The following DPH2 variants were observed in gnomAD, a reference collection of about 807,000 sequenced individuals.
The protein encoded by DPH2 is diphthamide biosynthesis 2, also known as 2-(3-amino-3-carboxypropyl)histidine synthase subunit 2.
DPH2 carries 28 observed loss-of-function variants against 42.5 expected under a neutral mutation model. That is an observed-to-expected ratio of 0.66 (90% CI 0.49 to 0.90). The LOEUF (loss-of-function observed/expected upper bound fraction) is 0.90. Ranked by LOEUF, DPH2 falls within the 40% of genes least tolerant of loss-of-function variation. The pLI is 0.00. For missense variants in DPH2, 576 were observed against 636.0 expected (o/e 0.91, Z 1.01); for synonymous variants, 279 against 264.4 (o/e 1.06, Z -0.53).
chr1:43,972,906 T>A lies in DPH2; in HGVS notation c.*367T>A, dbSNP rs2085465886. 5.5e-6 allele frequency: 1 copy of A among 182,102 alleles called. No homozygotes were observed. Among genetic ancestry groups the A allele is most frequent in the African/African-American group, 2.4e-5 (1 of 42,256 alleles). 11.3% of individuals were successfully genotyped at this position (182,102 alleles called of 1,614,324 possible). A position where few individuals can be genotyped will look rare whatever the true frequency, so the allele number is the denominator to read the frequency against. The stretch of plus-strand genomic sequence containing the variant: ...AGGTGCTAGACAGTCTAGACCAGGG[T>A]TTCTCAAACTCGTACTTGACATTTG... On this transcript the variant is annotated 3_prime_UTR_variant, in exon 6 of 6. Coordinates refer to ENST00000255108, the MANE Select transcript of DPH2 (RefSeq NM_001384.5).
Position 43,971,805 on chromosome 1 carries a change from C to T in DPH2, c.903C>T (p.Ala301=). 1 of 1,611,906 alleles carries T rather than the reference C, an allele frequency of 6.2e-7. No individual in the cohort carries two copies. Among genetic ancestry groups the T allele is most frequent in the Non-Finnish European group, 8.5e-7 (1 of 1,180,028 alleles). Residue 301 remains alanine (A), a synonymous_variant, in exon 4 of 6, where the codon GCC becomes GCT. Coordinates refer to ENST00000255108, the MANE Select transcript of DPH2 (RefSeq NM_001384.5). ...TAGCCCAACACCGTGAGGCACTGGCCCACTTGCGGAACCTGACTCAGGCTG... is the reference window on the plus strand; with the variant it reads ...TAGCCCAACACCGTGAGGCACTGGCTCACTTGCGGAACCTGACTCAGGCTG... ...LGVAQHREAL[A]HLRNLTQAAG...
Position 43,971,593 on chromosome 1 carries a change from G to A in DPH2, c.691G>A (p.Asp231Asn). The change falls in exon 4 of 6, where the codon GAC (aspartate) becomes AAC (asparagine). Residue 231 changes from aspartate (D) to asparagine (N), a missense_variant. Physicochemically the swap from Asp to Asn is conservative, Grantham distance 23 (BLOSUM62 1). This residue lies in a region of DPH2 where 395 missense variants were observed against 435.2 expected (regional missense o/e 0.91). Transcript: ENST00000255108. ...GSKASPDPDLDPDLSRLLLGW... is the reference protein window; with the variant it reads ...GSKASPDPDLNPDLSRLLLGW... ...TAAGGCCAGCCCTGACCCAGACCTT[G>A]ACCCAGACCTGAGTCGGCTGCTCTT... The A allele has an allele frequency of 6.2e-7, 1 of 1,613,934 alleles. No individual in the cohort carries two copies.
In DPH2 at chr1:43,970,228, G is replaced by A. The variant is rs751135996; in HGVS notation, c.53G>A (p.Gly18Glu). 6.2e-7 allele frequency: 1 copy of A among 1,614,136 alleles called. No individual in the cohort carries two copies. Among genetic ancestry groups the A allele is most frequent in the East Asian group, 2.2e-5 (1 of 44,896 alleles). The change falls in exon 1 of 6, where the codon GGG (glycine) becomes GAG (glutamate). Residue 18 changes from glycine (G) to glutamate (E), a missense_variant. Physicochemically the swap from Gly to Glu is moderately conservative, Grantham distance 98. Around this residue, in one of 3 missense-constraint regions of DPH2, gnomAD observed 395 missense variants for 435.2 expected, o/e 0.91. Transcript: ENST00000255108. The part of the protein sequence containing the change: ...PAEAALQRET[G>E]VPGLLTPLPD... ...GAGGCGGCGCTGCAGCGAGAGACCG[G>A]GGTGCCAGGACTGCTTACTCCTCTT...
In DPH2 at chr1:43,971,457, A is replaced by C. The variant is rs773624686; in HGVS notation, c.555A>C (p.Pro185=). 6.2e-7 allele frequency: 1 copy of C among 1,613,318 alleles called. No homozygotes were observed. The highest frequency in any genetic ancestry group is 8.5e-7 in the Non-Finnish European group (1 of 1,179,478). Residue 185 remains proline, a synonymous_variant, in exon 4 of 6, where the codon CCA becomes CCC. Transcript: ENST00000255108. ...LLVSSPAFPQ[P]VGSLSPEPMP... is the part of the protein sequence containing the mutation. ...TCTCCAGCCCAGCTTTTCCCCAACC[A>C]GTGGGTTCCCTGAGTCCAGAGCCTA...
chr1:43,970,773 GAC>G (rs1234633900), intron 2 of DPH2, 65 bp downstream of exon 2: 1 of 1,473,286 alleles, frequency 6.8e-7, no homozygotes. Context: ...TTACGTCTAT[GAC>G]AGTGATTGCC....
rs765255953 is a variant in DPH2 at position 43,970,983 on chromosome 1, T to C, written c.278T>C (p.Leu93Pro). 8 of 1,580,708 alleles carry C rather than the reference T, an allele frequency of 5.1e-6. No homozygotes were observed. The highest frequency in any genetic ancestry group is 1.7e-4 in the Middle Eastern group (1 of 6,016). ...CCCTGCAGCTGCTGCGTGGATGTGCTGGGTGCTGAGCAAGCTGGAGCTCAG... is the reference window on the plus strand; with the variant it reads ...CCCTGCAGCTGCTGCGTGGATGTGCCGGGTGCTGAGCAAGCTGGAGCTCAG... ...TAYGSCCVDV[L>P]GAEQAGAQAL... is the part of the protein sequence containing the mutation. The change falls in exon 3 of 6, where the codon CTG becomes CCG. Residue 93 changes from leucine to proline, a missense_variant. Coordinates refer to ENST00000255108, the MANE Select transcript of DPH2 (RefSeq NM_001384.5).
intron 2 of DPH2, 45 bp from the exon 3 acceptor site, chr1:43,970,921 G>A (rs775942877): frequency 5.8e-6 from 9 of 1,543,160 alleles, no homozygotes; most frequent in Middle Eastern, 1.7e-4. Flanking sequence ...ACAGCAACTC[G>A]CCTCCAGAAG....
Position 43,970,243 on chromosome 1 carries a change from T to C in DPH2, c.68T>C (p.Leu23Pro), listed in dbSNP as rs1179190404. The change falls in exon 1 of 6, where the codon CTT (leucine) becomes CCT (proline). Residue 23 changes from leucine (L) to proline (P), a missense_variant. This residue lies in a region of DPH2 where 395 missense variants were observed against 435.2 expected (regional missense o/e 0.91). Coordinates refer to ENST00000255108, the MANE Select transcript of DPH2 (RefSeq NM_001384.5). Reference protein sequence around the residue: ...LQRETGVPGLLTPLPDLDGVY... With the variant: ...LQRETGVPGLPTPLPDLDGVY... ...CGAGAGACCGGGGTGCCAGGACTGC[T>C]TACTCCTCTTCCGGACCTGGACGGA... is the stretch of plus-strand genomic sequence containing the variant. 6.2e-7 allele frequency: 1 copy of C among 1,614,230 alleles called. No individual in the cohort carries two copies. The highest frequency in any genetic ancestry group is 2.2e-5 in the East Asian group (1 of 44,880).
At chr1:43,972,360 G>A in intron 5 of DPH2, 26 bp downstream of exon 5, 1 of 1,613,466 alleles carries the variant, frequency 6.2e-7, no homozygotes, top group Non-Finnish European at 8.5e-7. Flanking sequence ...TCCACTCCCA[G>A]CTGAGCTTTT....
At position 43,971,670 on chromosome 1, in the gene DPH2, G is replaced by T. The variant is rs745950038; in HGVS notation, c.768G>T (p.Lys256Asn). 6.2e-7 allele frequency: 1 copy of T among 1,613,970 alleles called. No individual in the cohort carries two copies. Among genetic ancestry groups the T allele is most frequent in the Non-Finnish European group, 8.5e-7 (1 of 1,180,030 alleles). ...PFSSCCPDTG[K>N]TQDEGARAGR... ...CCTCCTGCTGTCCAGATACAGGGAA[G>T]ACTCAGGATGAGGGTGCCCGGGCTG... The change falls in exon 4 of 6, where the codon AAG becomes AAT. Residue 256 changes from lysine to asparagine, a missense_variant. This residue lies in a region of DPH2 where 395 missense variants were observed against 435.2 expected (regional missense o/e 0.91). Coordinates refer to ENST00000255108, the MANE Select transcript of DPH2 (RefSeq NM_001384.5).
rs958596774 is a variant in DPH2, at chr1:43,972,915, C to T, written c.*376C>T. 5.7e-5 allele frequency: 10 copies of T among 175,602 alleles called. No individual in the cohort carries two copies. 10.9% of individuals were successfully genotyped at this position (175,602 alleles called of 1,614,324 possible). On this transcript the variant is annotated 3_prime_UTR_variant, in exon 6 of 6. Transcript: ENST00000255108. ...ACAGTCTAGACCAGGGTTTCTCAAA[C>T]TCGTACTTGACATTTGGGGCCAGAT...
Position 43,972,042 on chromosome 1 carries a change from C to T in DPH2, c.1140C>T (p.His380=). The change falls in exon 4 of 6, where the codon CAC becomes CAT. Residue 380 remains histidine, a synonymous_variant. Transcript: ENST00000255108. ...PAWPPPGLAP[H]LTHYADLLPG... Reference sequence around the variant, plus strand: ...GGCCACCTCCAGGCCTGGCTCCCCACCTCACACATTATGCGGACTTATTGC... The same window carrying T: ...GGCCACCTCCAGGCCTGGCTCCCCATCTCACACATTATGCGGACTTATTGC... The T allele has an allele frequency of 1.2e-6, 2 of 1,613,996 alleles. No homozygotes were observed. Among genetic ancestry groups the T allele is most frequent in the Non-Finnish European group, 1.7e-6 (2 of 1,179,948 alleles).
Position 43,971,824 on chromosome 1 carries a change from C to G in DPH2, c.922C>G (p.Gln308Glu). Reference sequence around the variant, plus strand: ...ACTGGCCCACTTGCGGAACCTGACTCAGGCTGCTGGCAAGCGTAGCTATGT... The same window carrying G: ...ACTGGCCCACTTGCGGAACCTGACTGAGGCTGCTGGCAAGCGTAGCTATGT... ...EALAHLRNLT[Q>E]AAGKRSYVLA... Residue 308 changes from glutamine to glutamate, a missense_variant, in exon 4 of 6, where the codon CAG becomes GAG. Gln to Glu is a conservative substitution (Grantham distance 29). Coordinates refer to ENST00000255108, the MANE Select transcript of DPH2 (RefSeq NM_001384.5). 1 of 1,613,116 alleles carries G rather than the reference C, an allele frequency of 6.2e-7. No homozygotes were observed.
rs1557639436 is a variant in DPH2, at chr1:43,970,197, C to T, written c.22C>T (p.Pro8Ser). Residue 8 changes from proline to serine, a missense_variant, in exon 1 of 6, where the codon CCT becomes TCT. This residue lies in a region of DPH2 where 395 missense variants were observed against 435.2 expected (regional missense o/e 0.91). Transcript: ENST00000255108. MESMFSS[P>S]AEAALQRETG... ...CCTCATGGAGTCGATGTTTAGCAGC[C>T]CTGCCGAGGCGGCGCTGCAGCGAGA... 2 of 1,614,128 alleles carry T rather than the reference C, an allele frequency of 1.2e-6. No individual in the cohort carries two copies. The highest frequency in any genetic ancestry group is 2.2e-5 in the East Asian group (1 of 44,880).
rs1433431626 is a variant in DPH2, at chr1:43,970,988, G to T, written c.283G>T (p.Ala95Ser). Residue 95 changes from alanine (A) to serine (S), a missense_variant, in exon 3 of 6, where the codon GCT (alanine) becomes TCT (serine). By Grantham distance (99) the Ala-to-Ser change is moderately conservative. Coordinates refer to ENST00000255108, the MANE Select transcript of DPH2 (RefSeq NM_001384.5). ...YGSCCVDVLG[A>S]EQAGAQALIH... is the part of the protein sequence containing the mutation. ...CAGCTGCTGCGTGGATGTGCTGGGT[G>T]CTGAGCAAGCTGGAGCTCAGGCTCT... The T allele has an allele frequency of 1.3e-6, 2 of 1,581,298 alleles. No homozygotes were observed. Among genetic ancestry groups the T allele is most frequent in the South Asian group, 2.3e-5 (2 of 86,862 alleles).
rs1386909706 is a variant in DPH2, at chr1:43,972,103, C to G, written c.1168+33C>G. ...GTGGGGGCATTGCCTAAGCTGGAAA[C>G]CTGGGGCACGGAGTCAGGGGGTGAG... is the stretch of plus-strand genomic sequence containing the variant. On this transcript the variant is annotated intron_variant, in intron 4 of 5. Transcript: ENST00000255108. The G allele has an allele frequency of 1.9e-6, 3 of 1,609,198 alleles. No individual in the cohort carries two copies. In the Admixed American group the frequency reaches 5.0e-5, roughly 27 times the overall value.
Position 43,972,950 on chromosome 1 carries a change from T to C in DPH2, c.*411T>C. 1 of 165,242 alleles carries C rather than the reference T, an allele frequency of 6.1e-6. No homozygotes were observed. The highest frequency in any genetic ancestry group is 1.3e-5 in the Non-Finnish European group (1 of 75,860). The allele number at this position is 165,242 out of a possible 1,614,324, so 10.2% of individuals were successfully genotyped here. A position where few individuals can be genotyped will look rare whatever the true frequency, so the allele number is the denominator to read the frequency against. Reference sequence around the variant, plus strand: ...ACATTTGGGGCCAGATAATTCTTTGTTGTGGGGCTGTCTGGTGTATGGTAG... The same window carrying C: ...ACATTTGGGGCCAGATAATTCTTTGCTGTGGGGCTGTCTGGTGTATGGTAG... On this transcript the variant is annotated 3_prime_UTR_variant, in exon 6 of 6. Transcript: ENST00000255108.
In DPH2 at chr1:43,971,530, C is replaced by G; in HGVS notation, c.628C>G (p.Arg210Gly). 1 of 1,614,206 alleles carries G rather than the reference C, an allele frequency of 6.2e-7. No individual in the cohort carries two copies. The highest frequency in any genetic ancestry group is 8.5e-7 in the Non-Finnish European group (1 of 1,180,022). ...CCGCTTCCCCCTTGCCCCAGGGAGG[C>G]GTCTAGAAGAGTATGGTGCCTTCTA... ...GRRFPLAPGRRLEEYGAFYVG... is the reference protein window; with the variant it reads ...GRRFPLAPGRGLEEYGAFYVG... Residue 210 changes from arginine (R) to glycine (G), a missense_variant, in exon 4 of 6, where the codon CGT becomes GGT. This residue lies in a region of DPH2 where 395 missense variants were observed against 435.2 expected (regional missense o/e 0.91). Coordinates refer to ENST00000255108, the MANE Select transcript of DPH2 (RefSeq NM_001384.5).
At chr1:43,971,283 T>C in intron 3 of DPH2, 94 bp downstream of exon 3, 1 of 1,532,174 alleles carries the variant, frequency 6.5e-7, no homozygotes, top group Non-Finnish European at 8.8e-7. Flanking sequence ...GAACTCTTGA[T>C]ATGGGCTTGG....
Sources: allele counts gnomAD v4.1 joint callset, GRCh38; gene constraint gnomAD v4.1.1; regional missense constraint gnomAD v4.1.1; transcripts MANE v1.5; gene names NCBI Gene and HGNC (gene_info 2026-07-23, HGNC 2026-07-21).